Variants in PCDH7 observed in about 807,000 individuals in gnomAD.
The protein encoded by PCDH7 is protocadherin 7.
In PCDH7, 17 loss-of-function variants were observed where a neutral mutation model predicts 58.9. That is an observed-to-expected ratio of 0.29 (90% CI 0.20 to 0.43). The LOEUF (loss-of-function observed/expected upper bound fraction) is 0.43, where lower values mean the gene tolerates loss of function less well. Ranked by LOEUF, PCDH7 falls within the 20% of genes least tolerant of loss-of-function variation. PCDH7 has a pLI of 1.00. For missense variants in PCDH7, 1,274 were observed against 1,441.0 expected (o/e 0.88, Z 1.88); for synonymous variants, 664 against 616.4 (o/e 1.08, Z -1.14).
chr4:31,126,136 T>C (rs1718272505), intron 3 of PCDH7, among the ~76,000 whole-genome samples: 1 of 150,832 alleles, frequency 6.6e-6, no homozygotes. Flanking sequence ...CTTTTTTTTT[T>C]TTTTTTTTTG....
intron 1 of PCDH7, among the ~76,000 whole-genome samples, chr4:30,829,111 A>T (rs1729467308): frequency 6.6e-6 from 1 of 151,870 alleles, no homozygotes; most frequent in African/African-American, 2.4e-5. Flanking sequence ...ATCTTTTCAA[A>T]CTGTAGCTGC....
chr4:31,125,932 A>G (rs1051226560), intron 3 of PCDH7, among the ~76,000 whole-genome samples: 1 of 152,126 alleles, frequency 6.6e-6, no homozygotes, highest in African/African-American at 2.4e-5. Flanking sequence ...GTGGATCAAG[A>G]TGTTGTATAA....
rs142343846 is a variant in PCDH7 at position 31,042,654 on chromosome 4, A to T, written c.*7+92439A>T. On this transcript the variant is annotated intron_variant, in intron 3 of 3. Coordinates refer to the PCDH7 transcript ENST00000509759. ...AAAATTTTACTCTTTAGGGAGAGAC[A>T]ATTGCACAAAAATAAATGTGATGTA... is the stretch of plus-strand genomic sequence containing the variant. Among the ~76,000 whole-genome samples, 9 of 152,284 alleles carry T rather than the reference A, an allele frequency of 5.9e-5. No homozygotes were observed. In the East Asian group the frequency reaches 1.7e-3, roughly 29 times the overall value.
At chr4:30,913,065 G>T (rs1741993179) in intron 1 of PCDH7, among the ~76,000 whole-genome samples, 2 of 150,498 alleles carry the variant, frequency 1.3e-5, no homozygotes, top group Admixed American at 6.6e-5. Context: ...TGCTTTTCTT[G>T]GAAACTATAC....
At chr4:31,094,333 T>C (rs1441090590) in intron 3 of PCDH7, among the ~76,000 whole-genome samples, 1 of 152,108 alleles carries the variant, frequency 6.6e-6, no homozygotes, top group Non-Finnish European at 1.5e-5. Flanking sequence ...CCCCCATCCA[T>C]TTAGATTTTT....
intron 3 of PCDH7, among the ~76,000 whole-genome samples, chr4:31,071,833 A>C (rs533942511): frequency 6.0e-4 from 91 of 152,174 alleles, no homozygotes; most frequent in Non-Finnish European, 1.2e-3. Context: ...GTGTTAAGGA[A>C]ATTCTCTAAT....
intron 3 of PCDH7, among the ~76,000 whole-genome samples, chr4:31,050,133 C>T (rs1272629072): frequency 6.6e-6 from 1 of 152,078 alleles, no homozygotes; most frequent in Non-Finnish European, 1.5e-5. Flanking sequence ...TGTGTTCAGT[C>T]TATACTTTGG....
intron 3 of PCDH7, among the ~76,000 whole-genome samples, chr4:31,071,991 A>G (rs1758581169): frequency 6.6e-6 from 1 of 152,104 alleles, no homozygotes; most frequent in Non-Finnish European, 1.5e-5. Flanking sequence ...AGTCATGTTT[A>G]CTGTCTTCGC....
At chr4:30,763,137 C>T (rs1384226107) in intron 1 of PCDH7, among the ~76,000 whole-genome samples, 1 of 152,126 alleles carries the variant, frequency 6.6e-6, no homozygotes, top group African/African-American at 2.4e-5. Context: ...GCAGGAGAAT[C>T]GCTTGAACCT....
intron 3 of PCDH7, among the ~76,000 whole-genome samples, chr4:30,992,834 T>C (rs1298119642): frequency 6.9e-6 from 1 of 144,022 alleles, no homozygotes; most frequent in Non-Finnish European, 1.5e-5. Flanking sequence ...AGTCTTGCTC[T>C]GTCGCCAAGG....
exon 2 of PCDH7, chr4:30,730,767 A>G (rs1238196798): frequency 2.5e-6 from 4 of 1,607,008 alleles, no homozygotes; most frequent in Non-Finnish European, 3.4e-6. Flanking sequence ...GTCTACATCC[A>G]TACATTACTG....
chr4:30,954,639 T>C (rs757420397), intron 3 of PCDH7, among the ~76,000 whole-genome samples: 14 of 152,284 alleles, frequency 9.2e-5, no homozygotes, highest in Admixed American at 2.6e-4. Flanking sequence ...CCTTTTACTC[T>C]GTCTTTTAGT....
chr4:30,860,335 C>T (rs1321794030), intron 1 of PCDH7, among the ~76,000 whole-genome samples: 1 of 151,942 alleles, frequency 6.6e-6, no homozygotes, highest in Admixed American at 6.6e-5. Flanking sequence ...AAAGACACCA[C>T]TGAATTAGAA....
chr4:30,955,170 G>A (rs1476013333), intron 3 of PCDH7, among the ~76,000 whole-genome samples: 1 of 151,952 alleles, frequency 6.6e-6, no homozygotes, highest in African/African-American at 2.4e-5. Context: ...AAAAATGTGT[G>A]AATCCAGGAA....
At chr4:31,005,195 G>A (rs567343172) in intron 3 of PCDH7, among the ~76,000 whole-genome samples, 1 of 152,292 alleles carries the variant, frequency 6.6e-6, no homozygotes, top group South Asian at 2.1e-4. Flanking sequence ...TGTTTTATCT[G>A]TTGTTGAGGT....
intron 1 of PCDH7, among the ~76,000 whole-genome samples, chr4:30,766,155 T>C (rs1306363768): frequency 2.0e-5 from 3 of 151,350 alleles, no homozygotes; most frequent in African/African-American, 4.9e-5. Context: ...CCCCCTCTAA[T>C]TGCAAAATGT....
At chr4:30,744,131 T>A (rs1351387625) in intron 1 of PCDH7, among the ~76,000 whole-genome samples, 1 of 152,140 alleles carries the variant, frequency 6.6e-6, no homozygotes, top group Non-Finnish European at 1.5e-5. Context: ...CGCCAAGCTG[T>A]TTTCTCACTG....
At chr4:30,871,713 C>T (rs1309545990) in intron 1 of PCDH7, among the ~76,000 whole-genome samples, 1 of 152,074 alleles carries the variant, frequency 6.6e-6, no homozygotes. Flanking sequence ...TGATACAAAA[C>T]GGGTGGCACA....
chr4:30,942,767 A>G (rs1434163596), intron 2 of PCDH7, among the ~76,000 whole-genome samples: 1 of 152,078 alleles, frequency 6.6e-6, no homozygotes, highest in African/African-American at 2.4e-5. Flanking sequence ...TTATTTACAT[A>G]TTCATTCATT....
Sources: gnomAD v4.1 joint callset for allele counts (sites outside exome capture counted in the v4.1 genomes callset) on GRCh38, gnomAD v4.1.1 for gene constraint, MANE v1.5 for transcripts, NCBI Gene and HGNC (gene_info 2026-07-23, HGNC 2026-07-21) for gene names.